Variants in WDR49 observed in about 807,000 individuals in gnomAD.
WDR49 encodes the protein WD repeat domain 49.
A neutral mutation model predicts 119.5 loss-of-function variants in WDR49; 107 were observed. The observed-to-expected ratio is 0.90, with a 90% CI of 0.77 to 1.05. WDR49 has a LOEUF of 1.05. WDR49 is among the 50% of genes least tolerant of loss of function. The pLI is 0.00. For missense variants in WDR49, 1,240 were observed against 1,220.5 expected (o/e 1.02, Z -0.24); for synonymous variants, 425 against 418.8 (o/e 1.01, Z -0.18).
chr3:167,643,700 A>G (rs1210105330), intron 2 of WDR49, among the ~76,000 whole-genome samples: 1 of 152,074 alleles, frequency 6.6e-6, no homozygotes, highest in Admixed American at 6.6e-5. Flanking sequence ...TCCATAAAGG[A>G]AGGCCTATGT....
chr3:167,589,726 C>T (rs1301182368), intron 7 of WDR49, among the ~76,000 whole-genome samples: 1 of 151,686 alleles, frequency 6.6e-6, no homozygotes, highest in Non-Finnish European at 1.5e-5. Context: ...TCTTGATTTT[C>T]AGATTGTTGT....
At chr3:167,596,620 A>T (rs1247759698) in intron 7 of WDR49, among the ~76,000 whole-genome samples, 39 of 147,878 alleles carry the variant, frequency 2.6e-4, no homozygotes, top group African/African-American at 8.2e-4. Flanking sequence ...TATCGCAAGA[A>T]CAAAAAACCA....
intron 10 of WDR49, among the ~76,000 whole-genome samples, chr3:167,552,757 TA>T (rs1356198874): frequency 1.9e-4 from 29 of 152,154 alleles, no homozygotes; most frequent in Middle Eastern, 3.4e-3. Flanking sequence ...ATAACGTGTA[TA>T]AAGTGGCTAA....
chr3:167,605,478 A>G (rs1577271511), intron 5 of WDR49, among the ~76,000 whole-genome samples: 2 of 152,262 alleles, frequency 1.3e-5, no homozygotes, highest in South Asian at 4.1e-4. Flanking sequence ...GCTATGATAA[A>G]GATAATAAGA....
chr3:167,533,011 A>G, intron 11 of WDR49, 34 bp from the exon 12 acceptor site: 1 of 1,476,218 alleles, frequency 6.8e-7, no homozygotes, highest in Admixed American at 1.9e-5. Flanking sequence ...ATAAATTGCC[A>G]GGAGATTAAG....
At chr3:167,534,352 A>G (rs1752952353) in intron 11 of WDR49, among the ~76,000 whole-genome samples, 1 of 152,136 alleles carries the variant, frequency 6.6e-6, no homozygotes, top group Admixed American at 6.5e-5. Flanking sequence ...GAGGAGAATG[A>G]GTGAAGAGAT....
chr3:167,604,582 T>C (rs1204775134), intron 5 of WDR49, 114 bp from the exon 6 acceptor site: 5 of 1,010,884 alleles, frequency 4.9e-6, no homozygotes, highest in South Asian at 2.1e-5. Context: ...ACTATGATGA[T>C]ACAAACTGAT....
chr3:167,543,848 C>T (rs932097671), intron 10 of WDR49, among the ~76,000 whole-genome samples: 8 of 151,950 alleles, frequency 5.3e-5, no homozygotes, highest in Non-Finnish European at 8.8e-5. Context: ...GGAAGTCAAA[C>T]TGTTGCTGTT....
intron 14 of WDR49, among the ~76,000 whole-genome samples, chr3:167,528,748 A>G (rs1241957414): frequency 2.0e-5 from 3 of 151,892 alleles, no homozygotes; most frequent in African/African-American, 7.2e-5. Context: ...TACATACATT[A>G]AAAATAAGGT....
intron 16 of WDR49, among the ~76,000 whole-genome samples, chr3:167,512,199 C>T (rs558173055): frequency 1.8e-4 from 27 of 152,050 alleles, no homozygotes; most frequent in African/African-American, 6.0e-4. Flanking sequence ...TACAGGAGAG[C>T]TCCCACTGGC....
intron 5 of WDR49, among the ~76,000 whole-genome samples, chr3:167,619,955 T>C (rs937856802): frequency 1.3e-5 from 2 of 151,602 alleles, no homozygotes. Flanking sequence ...TTAGAGAAAT[T>C]CAGTCATTAC....
chr3:167,585,814 G>T (rs550767319), intron 7 of WDR49, among the ~76,000 whole-genome samples: 1 of 151,932 alleles, frequency 6.6e-6, no homozygotes, highest in Non-Finnish European at 1.5e-5. Flanking sequence ...GAAGATACAC[G>T]TCTAGGGTTG....
intron 7 of WDR49, among the ~76,000 whole-genome samples, chr3:167,593,303 T>C (rs1009068778): frequency 1.3e-5 from 2 of 152,114 alleles, no homozygotes; most frequent in Admixed American, 6.6e-5. Context: ...CATTCTTTTT[T>C]CTTTTGCCTC....
At chr3:167,480,142 G>A (rs920087182) in intron 18 of WDR49, among the ~76,000 whole-genome samples, 12 of 151,070 alleles carry the variant, frequency 7.9e-5, no homozygotes, top group African/African-American at 1.9e-4. Flanking sequence ...CCAGCTACTC[G>A]GGAGGCTGAG....
chr3:167,642,174 T>G (rs1237676923), intron 2 of WDR49, among the ~76,000 whole-genome samples: 2 of 151,800 alleles, frequency 1.3e-5, no homozygotes, highest in Non-Finnish European at 2.9e-5. Context: ...ACTCTAAAAT[T>G]TAATATGTAT....
At chr3:167,500,872 A>G (rs555606411) in intron 17 of WDR49, among the ~76,000 whole-genome samples, 6 of 152,340 alleles carry the variant, frequency 3.9e-5, no homozygotes, top group African/African-American at 1.2e-4. Context: ...TAGAATGGAA[A>G]TCTATTTGGG....
At chr3:167,501,461 C>T (rs1751561168) in intron 17 of WDR49, among the ~76,000 whole-genome samples, 1 of 152,094 alleles carries the variant, frequency 6.6e-6, no homozygotes, top group South Asian at 2.1e-4. Flanking sequence ...AAGTGCTTTA[C>T]ATATCTATCT....
chr3:167,630,788 C>G (rs545193985), intron 2 of WDR49, among the ~76,000 whole-genome samples: 1 of 152,214 alleles, frequency 6.6e-6, no homozygotes, highest in East Asian at 1.9e-4. Flanking sequence ...CAACTGCTCA[C>G]TGCATAATTT....
chr3:167,569,222 A>G (rs369080961), intron 8 of WDR49, among the ~76,000 whole-genome samples: 1 of 152,112 alleles, frequency 6.6e-6, no homozygotes, highest in Non-Finnish European at 1.5e-5. Context: ...GATTACAGGC[A>G]TGAGCCACTG....
Sources: gnomAD v4.1 joint callset for allele counts (sites outside exome capture counted in the v4.1 genomes callset) on GRCh38, gnomAD v4.1.1 for gene constraint, MANE v1.5 for transcripts, NCBI Gene and HGNC (gene_info 2026-07-23, HGNC 2026-07-21) for gene names.